SLC35D2: variants seen among roughly 807,000 people sequenced by gnomAD.
SLC35D2 encodes the protein nucleotide sugar transporter SLC35D2.
A neutral mutation model predicts 41.8 loss-of-function variants in SLC35D2; 43 were observed. The observed-to-expected ratio is 1.03, with a 90% confidence interval of 0.81 to 1.33. The LOEUF is 1.33. Among genes scored for constraint, SLC35D2 ranks in the 40% most tolerant of loss-of-function variants. The pLI is 0.00. For synonymous variants in SLC35D2, 150 were observed against 163.9 expected (o/e 0.92, Z 0.65); for missense variants, 380 against 408.4 (o/e 0.93, Z 0.60).
downstream of SLC35D2, among the ~76,000 whole-genome samples, chr9:96,316,780 ATTAT>A (rs58604434): frequency 0.53 from 80,805 of 151,624 alleles, 21,722 homozygotes; most frequent in African/African-American, 0.6. Flanking sequence ...ACTAGGTCCT[ATTAT>A]TTAATCAACC....
chr9:96,331,799 G>A (rs1828822703), intron 9 of SLC35D2, among the ~76,000 whole-genome samples: 1 of 152,164 alleles, frequency 6.6e-6, no homozygotes, highest in African/African-American at 2.4e-5. Flanking sequence ...CCTGAGCTCC[G>A]CCTCCTGTCA....
chr9:96,383,701 C>T lies in SLC35D2; in HGVS notation c.-67G>A, dbSNP rs1339030249. 7 of 944,676 alleles carry T rather than the reference C, an allele frequency of 7.4e-6. No homozygotes were observed. The highest frequency in any genetic ancestry group is 8.8e-6 in the Non-Finnish European group (7 of 791,372). The allele number at this position is 944,676 out of a possible 1,614,324, so 58.5% of individuals were successfully genotyped here. On this transcript the variant is annotated 5_prime_UTR_variant, in exon 1 of 12. Coordinates refer to ENST00000253270, the MANE Select transcript of SLC35D2 (RefSeq NM_007001.3). ...TGCGCACTGGTCCCGCCCGGCCGGG[C>T]CGGGGAAGAGGGCGCGGCAGGAACA...
chr9:96,367,508 C>T (rs1830520577), intron 2 of SLC35D2, among the ~76,000 whole-genome samples: 2 of 152,170 alleles, frequency 1.3e-5, no homozygotes, highest in Non-Finnish European at 2.9e-5. Flanking sequence ...CTTACCCAAG[C>T]TCATCCTTGT....
At chr9:96,339,400 T>TGAC (rs1326612631) in intron 8 of SLC35D2, among the ~76,000 whole-genome samples, 1 of 152,192 alleles carries the variant, frequency 6.6e-6, no homozygotes, top group Non-Finnish European at 1.5e-5. Context: ...TGAGCCATCG[T>TGAC]GACCAGCCCC....
intron 10 of SLC35D2, among the ~76,000 whole-genome samples, chr9:96,323,536 C>T (rs752983794): frequency 6.6e-6 from 1 of 152,110 alleles, no homozygotes; most frequent in Non-Finnish European, 1.5e-5. Flanking sequence ...TTTTCCCAGA[C>T]CCACCCCCTC....
chr9:96,346,391 G>A (rs1829575395), intron 6 of SLC35D2, among the ~76,000 whole-genome samples: 1 of 152,144 alleles, frequency 6.6e-6, no homozygotes, highest in Non-Finnish European at 1.5e-5. Flanking sequence ...TGAACGAGAA[G>A]GGTTCTTTTA....
chr9:96,328,692 G>A (rs1358115707), intron 9 of SLC35D2, among the ~76,000 whole-genome samples: 4 of 152,136 alleles, frequency 2.6e-5, no homozygotes, highest in African/African-American at 9.7e-5. Context: ...CCTTGTCACT[G>A]ATTACCGTTC....
rs184991421 is a variant in SLC35D2 at position 96,323,782 on chromosome 9, C to T, written c.831+309G>A. On this transcript the variant is annotated intron_variant, in intron 10 of 11. Transcript: ENST00000253270. ...TCTACCAAAAATATAAAAAATTAGCCGGGTGTGGTGGCAGGCGCCTGTAAT... is the reference window on the plus strand; with the variant it reads ...TCTACCAAAAATATAAAAAATTAGCTGGGTGTGGTGGCAGGCGCCTGTAAT... 1.0e-3 allele frequency among the ~76,000 whole-genome samples: 156 copies of T among 151,932 alleles called. No homozygotes were observed. The East Asian group carries it at 0.013, about 12-fold the overall frequency.
intron 9 of SLC35D2, among the ~76,000 whole-genome samples, chr9:96,334,695 A>C (rs185138872): frequency 4.5e-4 from 69 of 152,328 alleles, no homozygotes; most frequent in African/African-American, 1.6e-3. Flanking sequence ...CAAACACAGA[A>C]GAAAGCAAAC....
At chr9:96,324,033 A>C (rs1210011416) in intron 10 of SLC35D2, 58 bp downstream of exon 10, 7 of 1,449,148 alleles carry the variant, frequency 4.8e-6, no homozygotes, top group Non-Finnish European at 6.8e-6. Flanking sequence ...CTCCCATGGA[A>C]TATTTGGATT....
At chr9:96,356,572 T>A (rs1169332418) in intron 4 of SLC35D2, among the ~76,000 whole-genome samples, 1 of 144,972 alleles carries the variant, frequency 6.9e-6, no homozygotes, top group Admixed American at 6.8e-5. Flanking sequence ...TTTAAAGATA[T>A]CTAGATAGAT....
chr9:96,339,418 AT>A (rs1829209663), intron 8 of SLC35D2, among the ~76,000 whole-genome samples: 1 of 152,118 alleles, frequency 6.6e-6, no homozygotes, highest in African/African-American at 2.4e-5. Flanking sequence ...CCCAACCTAA[AT>A]TTTTATAGAT....
chr9:96,317,019 T>G (rs2130815977), downstream of SLC35D2, among the ~76,000 whole-genome samples: 1 of 151,848 alleles, frequency 6.6e-6, no homozygotes, highest in East Asian at 1.9e-4. Flanking sequence ...GCGCCTGTAG[T>G]CCCAGCTACT....
chr9:96,322,363 T>A (rs1587825851), intron 10 of SLC35D2, among the ~76,000 whole-genome samples: 1 of 151,706 alleles, frequency 6.6e-6, no homozygotes. Flanking sequence ...TACAAAAAAT[T>A]TTTTAAAAGT....
intron 10 of SLC35D2, among the ~76,000 whole-genome samples, chr9:96,322,736 T>TTTTTTG (rs1828308546): frequency 6.8e-6 from 1 of 147,932 alleles, no homozygotes; most frequent in Non-Finnish European, 1.5e-5. Context: ...TTTTTTTTTT[T>TTTTTTG]GAGACAGAGT....
chr9:96,313,461 T>A (rs1587816580), exon 12 of SLC35D2, among the ~76,000 whole-genome samples: 1 of 152,208 alleles, frequency 6.6e-6, no homozygotes, highest in East Asian at 1.9e-4. Flanking sequence ...TCAGAGTTTT[T>A]ATTAGGGCTT....
In SLC35D2 at chr9:96,373,069, T is replaced by C. The variant is rs538425202; in HGVS notation, c.159-4764A>G. 6.5e-4 allele frequency among the ~76,000 whole-genome samples: 99 copies of C among 152,006 alleles called. 1 individual carries two copies. The highest frequency in any genetic ancestry group is 8.8e-4 in the Non-Finnish European group (60 of 67,982). On this transcript the variant is annotated intron_variant, in intron 1 of 11. Coordinates refer to ENST00000253270, the MANE Select transcript of SLC35D2 (RefSeq NM_007001.3). ...CACCCACCACCACGCCTGGCTAATTTTTGTATATTTAGTAGAGATTGGGTT... is the reference window on the plus strand; with the variant it reads ...CACCCACCACCACGCCTGGCTAATTCTTGTATATTTAGTAGAGATTGGGTT...
In SLC35D2 at chr9:96,333,680, C is replaced by T. The variant is rs1365647978; in HGVS notation, c.752+3037G>A. On this transcript the variant is annotated intron_variant, in intron 9 of 11. Transcript: ENST00000253270. ...GGGCAAGCCCTGGAGGGTAACAGCTCACAGCGAGGCTGCCCGCCCTCACCC... is the reference window on the plus strand; with the variant it reads ...GGGCAAGCCCTGGAGGGTAACAGCTTACAGCGAGGCTGCCCGCCCTCACCC... 2.3e-4 allele frequency among the ~76,000 whole-genome samples: 35 copies of T among 151,938 alleles called. 1 individual carries two copies. Among genetic ancestry groups the T allele is most frequent in the Admixed American group, 2.2e-3 (33 of 15,246 alleles).
chr9:96,338,549 C>A, intron 8 of SLC35D2, among the ~76,000 whole-genome samples: 1 of 115,612 alleles, frequency 8.6e-6, no homozygotes, highest in African/African-American at 4.3e-5. Flanking sequence ...GAGTGAGACC[C>A]TGTCTCAAAA....
Sources: gnomAD v4.1 joint callset for allele counts (sites outside exome capture counted in the v4.1 genomes callset) on GRCh38, gnomAD v4.1.1 for gene constraint, MANE v1.5 for transcripts, NCBI Gene and HGNC (gene_info 2026-07-23, HGNC 2026-07-21) for gene names.